Variants in ATRNL1 observed in about 807,000 individuals in gnomAD.
ATRNL1 encodes attractin like 1.
A neutral mutation model predicts 182.7 loss-of-function variants in ATRNL1; 95 were observed. The observed-to-expected ratio is 0.52, with a 90% confidence interval of 0.44 to 0.62. The LOEUF (loss-of-function observed/expected upper bound fraction) is 0.62. Among genes scored for constraint, ATRNL1 ranks in the 20% least tolerant of loss-of-function variants. The pLI is 0.00. For missense variants in ATRNL1, 1,471 were observed against 1,679.5 expected (o/e 0.88, Z 2.17); for synonymous variants, 576 against 568.3 (o/e 1.01, Z -0.19).
chr10:115,844,130 A>G (rs1180381938), intron 27 of ATRNL1, among the ~76,000 whole-genome samples: 1 of 152,066 alleles, frequency 6.6e-6, no homozygotes, highest in Non-Finnish European at 1.5e-5. Flanking sequence ...GAACTACTGA[A>G]AAGGTTTTTG....
At chr10:115,298,176 A>T (rs998438357) in intron 15 of ATRNL1, among the ~76,000 whole-genome samples, 10 of 152,204 alleles carry the variant, frequency 6.6e-5, no homozygotes, top group Admixed American at 2.6e-4. Context: ...TAAACTGAAG[A>T]TAACCCTTTT....
At chr10:115,887,853 T>C (rs1555110170) in intron 28 of ATRNL1, among the ~76,000 whole-genome samples, 1 of 152,102 alleles carries the variant, frequency 6.6e-6, no homozygotes, top group Non-Finnish European at 1.5e-5. Flanking sequence ...CCACCCTCCT[T>C]GTCTAAGCTA....
Position 115,944,710 on chromosome 10 carries a change from T to A in ATRNL1, c.4071T>A (p.Asp1357Glu). Reference sequence around the variant, plus strand: ...ATATTTCACAACAGAAAGCTTCAGATAGTAAAGATAAGACTTCTGGAGTCC... The same window carrying A: ...ATATTTCACAACAGAAAGCTTCAGAAAGTAAAGATAAGACTTCTGGAGTCC... ...LIDISQQKAS[D>E]SKDKTSGVRN... is the part of the protein sequence containing the mutation. Residue 1357 changes from aspartate (D) to glutamate (E), a missense_variant, in exon 29 of 29, where the codon GAT becomes GAA. Physicochemically the swap from Asp to Glu is conservative, Grantham distance 45. Coordinates refer to ENST00000355044, the MANE Select transcript of ATRNL1 (RefSeq NM_207303.4). The A allele has an allele frequency of 6.2e-7, 1 of 1,613,706 alleles. No individual in the cohort carries two copies. Among genetic ancestry groups the A allele is most frequent in the Non-Finnish European group, 8.5e-7 (1 of 1,179,710 alleles).
At chr10:115,778,099 G>A (rs772661875) in intron 27 of ATRNL1, among the ~76,000 whole-genome samples, 1 of 152,156 alleles carries the variant, frequency 6.6e-6, no homozygotes, top group African/African-American at 2.4e-5. Context: ...AGAACTTTTA[G>A]CCGCAATCAG....
intron 20 of ATRNL1, among the ~76,000 whole-genome samples, chr10:115,399,861 T>G (rs1844477304): frequency 6.6e-6 from 1 of 152,008 alleles, no homozygotes; most frequent in South Asian, 2.1e-4. Flanking sequence ...GGCAATGCCG[T>G]TTAGGACATA....
At chr10:115,133,672 G>A (rs1845369978) in intron 5 of ATRNL1, among the ~76,000 whole-genome samples, 1 of 152,120 alleles carries the variant, frequency 6.6e-6, no homozygotes, top group African/African-American at 2.4e-5. Context: ...TCCAGGAATT[G>A]AACTCAGCTC....
intron 21 of ATRNL1, among the ~76,000 whole-genome samples, chr10:115,427,622 T>G (rs1347303020): frequency 6.6e-6 from 1 of 152,124 alleles, no homozygotes; most frequent in Non-Finnish European, 1.5e-5. Context: ...GGTGATGGAT[T>G]GAAGTTCTTT....
chr10:115,724,837 A>G lies in ATRNL1; in HGVS notation c.3796-2411A>G, dbSNP rs782804364. ...GCAGAAATTAGTTGCAAAGATAATC[A>G]CGATTTACTCCATTTGATTATTTTA... is the stretch of plus-strand genomic sequence containing the variant. On this transcript the variant is annotated intron_variant, in intron 26 of 28. Coordinates refer to ENST00000355044, the MANE Select transcript of ATRNL1 (RefSeq NM_207303.4). Among the ~76,000 whole-genome samples, 73 of 152,288 alleles carry G rather than the reference A, an allele frequency of 4.8e-4. 1 individual carries two copies. Among genetic ancestry groups the G allele is most frequent in the Middle Eastern group, 3.4e-3 (1 of 294 alleles).
At chr10:115,134,340 A>G (rs188671674) in intron 5 of ATRNL1, among the ~76,000 whole-genome samples, 199 of 152,328 alleles carry the variant, frequency 1.3e-3, no homozygotes, top group African/African-American at 4.5e-3. Flanking sequence ...TGCAATAAAA[A>G]ATGATAAAGG....
chr10:115,356,011 G>A (rs1856489004), intron 19 of ATRNL1, among the ~76,000 whole-genome samples: 1 of 151,988 alleles, frequency 6.6e-6, no homozygotes, highest in South Asian at 2.1e-4. Flanking sequence ...GTGACTATCT[G>A]TTCATAGCAG....
rs1210999045 is a variant in ATRNL1, at chr10:115,470,628, C to G, written c.3654+1299C>G. Among the ~76,000 whole-genome samples, 4 of 150,268 alleles carry G rather than the reference C, an allele frequency of 2.7e-5. No individual in the cohort carries two copies. The Admixed American group carries it at 2.7e-4, about 10-fold the overall frequency. On this transcript the variant is annotated intron_variant, in intron 24 of 28. Transcript: ENST00000355044. ...TTTATATACTTTTGAAAAAAAATTACATAGTTATTTTAGAATGTTTTTGAA... is the reference window on the plus strand; with the variant it reads ...TTTATATACTTTTGAAAAAAAATTAGATAGTTATTTTAGAATGTTTTTGAA...
At chr10:115,635,172 G>A (rs964080888) in intron 26 of ATRNL1, among the ~76,000 whole-genome samples, 8 of 151,898 alleles carry the variant, frequency 5.3e-5, no homozygotes, top group Non-Finnish European at 8.8e-5. Flanking sequence ...ACTTATCTTC[G>A]TCAAAGTACA....
chr10:115,147,030 G>T (rs554017933), intron 5 of ATRNL1, among the ~76,000 whole-genome samples: 1 of 152,130 alleles, frequency 6.6e-6, no homozygotes, highest in South Asian at 2.1e-4. Context: ...TCTATTTTAA[G>T]TTTTTTGAGG....
chr10:115,129,672 G>T (rs1409443138), intron 5 of ATRNL1, 137 bp downstream of exon 5: 2 of 635,414 alleles, frequency 3.1e-6, no homozygotes, highest in East Asian at 2.9e-5. Flanking sequence ...AGAATGTTCA[G>T]ATTAATAATC....
chr10:115,400,174 A>G (rs1478337916), intron 20 of ATRNL1, among the ~76,000 whole-genome samples: 4 of 152,084 alleles, frequency 2.6e-5, no homozygotes, highest in Admixed American at 2.6e-4. Flanking sequence ...CATATGAAAA[A>G]AGTTCTACAT....
intron 28 of ATRNL1, among the ~76,000 whole-genome samples, chr10:115,930,362 G>A (rs1282219505): frequency 1.3e-5 from 2 of 152,088 alleles, no homozygotes; most frequent in Non-Finnish European, 2.9e-5. Context: ...CGGATCATAA[G>A]CCTCAGAACG....
intron 24 of ATRNL1, among the ~76,000 whole-genome samples, chr10:115,472,306 A>G (rs1232239978): frequency 6.6e-6 from 1 of 151,108 alleles, no homozygotes; most frequent in African/African-American, 2.4e-5. Context: ...CTTCTTTTAT[A>G]AAATTTCTTT....
intron 26 of ATRNL1, among the ~76,000 whole-genome samples, chr10:115,722,989 T>A (rs1947477695): frequency 6.6e-6 from 1 of 152,244 alleles, no homozygotes; most frequent in Non-Finnish European, 1.5e-5. Context: ...TACCCACATT[T>A]GGATGAAACA....
chr10:115,559,450 G>GCACA (rs142093002), intron 26 of ATRNL1, among the ~76,000 whole-genome samples: 54,531 of 128,552 alleles, frequency 0.42, 10,649 homozygotes, highest in Middle Eastern at 0.52. Context: ...GTGTGCGCGC[G>GCACA]CGCACGCACG....
Sources: allele counts gnomAD v4.1 joint callset (sites outside exome capture counted in the v4.1 genomes callset), GRCh38; gene constraint gnomAD v4.1.1; transcripts MANE v1.5; gene names NCBI Gene and HGNC (gene_info 2026-07-23, HGNC 2026-07-21).